The following AKAIN1 variants were observed in gnomAD, a reference collection of about 807,000 sequenced individuals.
AKAIN1 encodes A-kinase anchor protein inhibitor 1.
A neutral mutation model predicts 3.7 loss-of-function variants in AKAIN1; 3 were observed. The ratio of observed to expected loss-of-function variants is 0.82; its 90% CI spans 0.37 to 2.12. AKAIN1 has a LOEUF of 2.12. AKAIN1 is among the 30% of genes most tolerant of loss of function. AKAIN1 has a pLI of 0.06. For missense variants in AKAIN1, 82 were observed against 82.7 expected, an observed-to-expected ratio of 0.99 and a Z score of 0.03; for synonymous variants, 31 against 30.8, an observed-to-expected ratio of 1.01 and a Z score of -0.02.
chr18:5,189,567 C>T (rs899088274), intron 1 of AKAIN1, among the ~76,000 whole-genome samples: 9 of 152,152 alleles, frequency 5.9e-5, no homozygotes, highest in Non-Finnish European at 1.3e-4. Context: ...GTAAAGCTCT[C>T]AGGCATGGAC....
intron 1 of AKAIN1, among the ~76,000 whole-genome samples, chr18:5,157,706 T>C (rs1425846750): frequency 6.6e-6 from 1 of 152,140 alleles, no homozygotes; most frequent in Non-Finnish European, 1.5e-5. Flanking sequence ...TTTTTAAAAT[T>C]ATTAAATTTT....
rs570746919 is a variant in AKAIN1 at position 5,184,330 on chromosome 18, G to C, written c.16+12708C>G. On this transcript the variant is annotated intron_variant, in intron 1 of 1. Transcript: ENST00000434239. ...GCCGGTCCTAGTCAACATAGTACTA[G>C]AAGTCCTAGCCAGAACAATCGGCAA... 3.7e-4 allele frequency among the ~76,000 whole-genome samples: 56 copies of C among 152,162 alleles called. 1 individual carries two copies. The South Asian group carries it at 5.8e-3, about 16-fold the overall frequency.
At chr18:5,146,692 A>C (rs2071051434) in intron 1 of AKAIN1, among the ~76,000 whole-genome samples, 1 of 152,176 alleles carries the variant, frequency 6.6e-6, no homozygotes, top group Non-Finnish European at 1.5e-5. Context: ...GGATTGGCAA[A>C]CTTTTCTTTA....
Position 5,191,898 on chromosome 18 carries a change from G to A in AKAIN1, c.16+5140C>T, listed in dbSNP as rs1598317957. Among the ~76,000 whole-genome samples, 3 of 152,184 alleles carry A rather than the reference G, an allele frequency of 2.0e-5. No individual in the cohort carries two copies. In the South Asian group the frequency reaches 6.2e-4, roughly 32 times the overall value. On this transcript the variant is annotated intron_variant, in intron 1 of 1. Coordinates refer to ENST00000434239, the MANE Select transcript of AKAIN1 (RefSeq NM_001145194.2). ...CATTCATATTTCATATATATCTTAT[G>A]CACATAGCCTATACGCATATATTTC...
chr18:5,171,214 T>G (rs941102439), intron 1 of AKAIN1, among the ~76,000 whole-genome samples: 13 of 152,176 alleles, frequency 8.5e-5, no homozygotes, highest in African/African-American at 3.1e-4. Context: ...CAGGCTGAAC[T>G]CTTAAACAAT....
intron 1 of AKAIN1, among the ~76,000 whole-genome samples, chr18:5,177,016 T>C (rs182539898): frequency 1.9e-3 from 282 of 151,914 alleles, no homozygotes; most frequent in African/African-American, 6.0e-3. Context: ...AATACAGCAG[T>C]TCCCAAAGGC....
At chr18:5,148,382 C>T (rs1176843122) in intron 1 of AKAIN1, among the ~76,000 whole-genome samples, 1 of 152,118 alleles carries the variant, frequency 6.6e-6, no homozygotes, top group African/African-American at 2.4e-5. Context: ...CATGTGGGAC[C>T]AAAAGAGAGC....
At chr18:5,193,807 TC>T (rs1024189299) in intron 1 of AKAIN1, among the ~76,000 whole-genome samples, 9 of 152,292 alleles carry the variant, frequency 5.9e-5, no homozygotes, top group African/African-American at 2.2e-4. Flanking sequence ...GAAATGTTTT[TC>T]CTCCTGAATG....
At chr18:5,156,531 C>T (rs2071109395) in intron 1 of AKAIN1, among the ~76,000 whole-genome samples, 1 of 152,296 alleles carries the variant, frequency 6.6e-6, no homozygotes, top group East Asian at 1.9e-4. Flanking sequence ...AAGAACAGCT[C>T]CCAACCTTTT....
At chr18:5,158,041 C>G (rs577611684) in intron 1 of AKAIN1, among the ~76,000 whole-genome samples, 3 of 152,228 alleles carry the variant, frequency 2.0e-5, no homozygotes, top group Admixed American at 6.5e-5. Context: ...TTCCTCACCT[C>G]TAAAATGGGT....
intron 1 of AKAIN1, among the ~76,000 whole-genome samples, chr18:5,172,187 A>T (rs2071201353): frequency 6.6e-6 from 1 of 152,148 alleles, no homozygotes; most frequent in African/African-American, 2.4e-5. Context: ...TCATTACCAG[A>T]GGCTGGGAAG....
At chr18:5,173,856 C>T (rs1014398676) in intron 1 of AKAIN1, among the ~76,000 whole-genome samples, 2 of 152,080 alleles carry the variant, frequency 1.3e-5, no homozygotes, top group African/African-American at 2.4e-5. Flanking sequence ...ATCTGCTGTG[C>T]GCCATTAGAG....
chr18:5,195,799 G>A (rs1421869414), intron 1 of AKAIN1, among the ~76,000 whole-genome samples: 3 of 152,084 alleles, frequency 2.0e-5, no homozygotes, highest in Non-Finnish European at 4.4e-5. Context: ...TTTGCTATAT[G>A]GAACAATTTC....
chr18:5,196,219 T>C (rs1488563797), intron 1 of AKAIN1, among the ~76,000 whole-genome samples: 1 of 152,068 alleles, frequency 6.6e-6, no homozygotes, highest in African/African-American at 2.4e-5. Flanking sequence ...GAGAGAGAAA[T>C]ACTTTGGATC....
rs565797393 is a variant in AKAIN1, at chr18:5,162,039, A to G, written c.17-16284T>C. On this transcript the variant is annotated intron_variant, in intron 1 of 1. Transcript: ENST00000434239. ...CCAAAAACAATTGATACTGTAATGG[A>G]TACTGAGAAGAGAAGGATTTATGTG... Among the ~76,000 whole-genome samples the G allele has an allele frequency of 3.9e-5, 6 of 152,272 alleles. No homozygotes were observed. In the East Asian group the frequency reaches 1.2e-3, roughly 29 times the overall value.
intron 1 of AKAIN1, among the ~76,000 whole-genome samples, chr18:5,184,293 A>G (rs1178821297): frequency 6.6e-6 from 1 of 152,080 alleles, no homozygotes; most frequent in Non-Finnish European, 1.5e-5. Flanking sequence ...TTCAAACACT[A>G]ACCAAAAGAA....
chr18:5,160,116 T>C (rs2071130886), intron 1 of AKAIN1, among the ~76,000 whole-genome samples: 1 of 152,180 alleles, frequency 6.6e-6, no homozygotes, highest in South Asian at 2.1e-4. Context: ...ATAGGAGTAG[T>C]TGTCTGCATT....
upstream of AKAIN1, chr18:5,197,576 G>A: frequency 2.2e-6 from 2 of 896,466 alleles, no homozygotes; most frequent in Non-Finnish European, 2.9e-6. The surrounding 1 kb of genome is among the most constrained non-coding windows in gnomAD (Gnocchi z 6.9). Context: ...GGGCTGGCTC[G>A]AATAGAGGGG....
At chr18:5,174,451 A>C (rs1215228658) in intron 1 of AKAIN1, among the ~76,000 whole-genome samples, 1 of 152,158 alleles carries the variant, frequency 6.6e-6, no homozygotes, top group Non-Finnish European at 1.5e-5. Flanking sequence ...GACTTTGCAG[A>C]GTAAACAGCC....
Sources: gnomAD v4.1 joint callset for allele counts (sites outside exome capture counted in the v4.1 genomes callset) on GRCh38, gnomAD v4.1.1 for gene constraint, Gnocchi (gnomAD v3.1) non-coding constraint, MANE v1.5 for transcripts, NCBI Gene and HGNC (gene_info 2026-07-23, HGNC 2026-07-21) for gene names.